ABCB1: variants seen among roughly 807,000 people sequenced by gnomAD.
ABCB1 encodes the protein ATP-dependent translocase ABCB1.
ABCB1 carries 69 observed loss-of-function variants against 142.0 expected under a neutral mutation model. The observed-to-expected ratio is 0.49, with a 90% CI of 0.40 to 0.59. The LOEUF (loss-of-function observed/expected upper bound fraction) is 0.59. Among genes scored for constraint, ABCB1 ranks in the 20% least tolerant of loss-of-function variants. ABCB1 has a pLI of 0.00. For synonymous variants in ABCB1, 532 were observed against 539.2 expected (o/e 0.99, Z 0.18); for missense variants, 1,326 against 1,554.7 (o/e 0.85, Z 2.47).
intron 19 of ABCB1, among the ~76,000 whole-genome samples, chr7:87,538,780 T>C: frequency 6.6e-6 from 1 of 152,088 alleles, no homozygotes; most frequent in Non-Finnish European, 1.5e-5. Flanking sequence ...TATCAGCCAG[T>C]AACACTGCAG....
At chr7:87,605,142 C>A (rs922684745), upstream of ABCB1, among the ~76,000 whole-genome samples, 3 of 152,124 alleles carry the variant, frequency 2.0e-5, no homozygotes, top group East Asian at 5.8e-4. Flanking sequence ...TTATCAACTT[C>A]TTTTTATTGA....
At chr7:87,687,039 A>AT (rs1356352966) in intron 1 of ABCB1, among the ~76,000 whole-genome samples, 1 of 152,198 alleles carries the variant, frequency 6.6e-6, no homozygotes, top group East Asian at 1.9e-4. Flanking sequence ...TATTAAAGAA[A>AT]AAATGATTAA....
chr7:87,544,039 T>C, intron 17 of ABCB1, 90 bp downstream of exon 17: 1 of 1,508,446 alleles, frequency 6.6e-7, no homozygotes. Context: ...TTTTGTTGTT[T>C]TTGTATCCCA....
chr7:87,512,144 T>C (rs1268878519), intron 25 of ABCB1, among the ~76,000 whole-genome samples: 1 of 152,036 alleles, frequency 6.6e-6, no homozygotes, highest in Non-Finnish European at 1.5e-5. Flanking sequence ...TTTTTTCATT[T>C]GAAGTAAATA....
intron 1 of ABCB1, among the ~76,000 whole-genome samples, chr7:87,678,514 C>T (rs1826603985): frequency 6.6e-6 from 1 of 151,816 alleles, no homozygotes; most frequent in African/African-American, 2.4e-5. Flanking sequence ...AACATTAAAA[C>T]ATTAAAGTTA....
At chr7:87,653,289 A>G (rs1823761259) in intron 1 of ABCB1, among the ~76,000 whole-genome samples, 1 of 152,036 alleles carries the variant, frequency 6.6e-6, no homozygotes, top group Non-Finnish European at 1.5e-5. Context: ...TACCACTCTA[A>G]TAAAAGCCAC....
intron 21 of ABCB1, among the ~76,000 whole-genome samples, chr7:87,525,265 A>C (rs1462391581): frequency 1.3e-5 from 2 of 152,156 alleles, no homozygotes; most frequent in Admixed American, 1.3e-4. Context: ...ATTTTGAAGA[A>C]ATAAAAATGT....
chr7:87,612,008 A>G (rs1444474373), intron 1 of ABCB1, among the ~76,000 whole-genome samples: 1 of 152,148 alleles, frequency 6.6e-6, no homozygotes, highest in Non-Finnish European at 1.5e-5. Context: ...ACTAATTTTT[A>G]TTGAGCTCTA....
intron 1 of ABCB1, among the ~76,000 whole-genome samples, chr7:87,702,170 A>C (rs1022561017): frequency 6.7e-6 from 1 of 149,728 alleles, no homozygotes; most frequent in African/African-American, 2.5e-5. Flanking sequence ...AAAAAAAAAA[A>C]AACAGAGATA....
At chr7:87,700,630 C>A in intron 1 of ABCB1, 4 of 1,337,868 alleles carry the variant, frequency 3.0e-6, no homozygotes, top group Non-Finnish European at 3.1e-6. Context: ...AGGTGTGAAG[C>A]TACTTACTAT....
chr7:87,651,941 A>C (rs1438213349), intron 1 of ABCB1, among the ~76,000 whole-genome samples: 1 of 152,094 alleles, frequency 6.6e-6, no homozygotes, highest in Non-Finnish European at 1.5e-5. Flanking sequence ...TTTGCATTTT[A>C]AAAGGGTTTT....
chr7:87,540,630 A>C (rs1314149831), intron 18 of ABCB1, among the ~76,000 whole-genome samples: 1 of 152,116 alleles, frequency 6.6e-6, no homozygotes, highest in Non-Finnish European at 1.5e-5. Context: ...TTGTATTTTT[A>C]GCGGAGACAG....
intron 25 of ABCB1, among the ~76,000 whole-genome samples, chr7:87,514,184 C>A (rs186334598): frequency 7.9e-5 from 12 of 152,328 alleles, no homozygotes; most frequent in Admixed American, 2.0e-4. Context: ...TCATTAAATG[C>A]TACCAGCGTC....
At chr7:87,647,904 G>T (rs1044440186) in intron 1 of ABCB1, among the ~76,000 whole-genome samples, 1 of 152,072 alleles carries the variant, frequency 6.6e-6, no homozygotes, top group African/African-American at 2.4e-5. Flanking sequence ...AAAATGATAG[G>T]CCAGGCACGG....
intron 8 of ABCB1, among the ~76,000 whole-genome samples, chr7:87,555,298 T>G (rs537713846): frequency 8.5e-4 from 130 of 152,278 alleles, no homozygotes; most frequent in African/African-American, 3.0e-3. Flanking sequence ...TTGCCTTGGA[T>G]AGAGGAGGAG....
chr7:87,597,738 T>C (rs1819262497), intron 2 of ABCB1, among the ~76,000 whole-genome samples: 1 of 152,144 alleles, frequency 6.6e-6, no homozygotes, highest in Non-Finnish European at 1.5e-5. Flanking sequence ...GTTACAAAAA[T>C]TTTCAATTGC....
chr7:87,514,809 G>A (rs887863285), intron 25 of ABCB1, among the ~76,000 whole-genome samples: 2 of 152,140 alleles, frequency 1.3e-5, no homozygotes, highest in African/African-American at 4.8e-5. Flanking sequence ...ATTCTATCAT[G>A]TCTTCTCAGT....
intron 9 of ABCB1, 56 bp downstream of exon 9, chr7:87,553,705 C>T: frequency 2.6e-6 from 4 of 1,541,804 alleles, no homozygotes; most frequent in Non-Finnish European, 3.6e-6. Flanking sequence ...GCCAACATTA[C>T]TGGATTTCAT....
At chr7:87,608,665 GT>G (rs942384350) in intron 1 of ABCB1, among the ~76,000 whole-genome samples, 14 of 151,800 alleles carry the variant, frequency 9.2e-5, no homozygotes, top group Non-Finnish European at 1.3e-4. Flanking sequence ...TTCCCTTTTA[GT>G]TTTTTTTATC....
Sources: allele counts gnomAD v4.1 joint callset (sites outside exome capture counted in the v4.1 genomes callset), GRCh38; gene constraint gnomAD v4.1.1; transcripts MANE v1.5; gene names NCBI Gene and HGNC (gene_info 2026-07-23, HGNC 2026-07-21).